MPRIP: variants seen among roughly 807,000 people sequenced by gnomAD.
The protein encoded by MPRIP is myosin phosphatase Rho-interacting protein.
MPRIP carries 59 observed loss-of-function variants against 234.9 expected under a neutral mutation model. The observed-to-expected ratio is 0.25, with a 90% CI of 0.20 to 0.31. MPRIP has a LOEUF of 0.31. MPRIP is among the 10% of genes least tolerant of loss of function. The probability of loss-of-function intolerance (pLI) is 1.00; values close to 1 mark genes in which losing one functional copy is unlikely to be tolerated. For synonymous variants in MPRIP, 1,144 were observed against 1,263.9 expected, an observed-to-expected ratio of 0.91 and a Z score of 2.01; for missense variants, 2,436 against 3,071.0, an observed-to-expected ratio of 0.79 and a Z score of 4.89.
Position 17,050,937 on chromosome 17 carries a change from T to A in MPRIP, c.123+7966T>A, listed in dbSNP as rs2143843626. Among the ~76,000 whole-genome samples the A allele has an allele frequency of 2.0e-5, 3 of 152,380 alleles. No individual in the cohort carries two copies. In the South Asian group the frequency reaches 6.2e-4, roughly 32 times the overall value. On this transcript the variant is annotated intron_variant, in intron 1 of 23. Coordinates refer to ENST00000651222, the MANE Select transcript of MPRIP (RefSeq NM_001364716.4). ...CTTTTTTCCCTGGGTTCTAGCCTGT[T>A]ACCTGATCTTTTCCTCTGATTTCTC...
Position 17,158,413 on chromosome 17 carries a change from C to T in MPRIP, c.1830-19C>T. On this transcript the variant is annotated intron_variant, in intron 13 of 23. Transcript: ENST00000651222. Reference sequence around the variant, plus strand: ...CAGAGCCGCCCCTGACAGGCTATGTCCATCCTCCTGCCCCACAGCTCGTTG... The same window carrying T: ...CAGAGCCGCCCCTGACAGGCTATGTTCATCCTCCTGCCCCACAGCTCGTTG... 1 of 1,534,028 alleles carries T rather than the reference C, an allele frequency of 6.5e-7. No homozygotes were observed.
intron 16 of MPRIP, 88 bp downstream of exon 16, chr17:17,168,003 A>G: frequency 9.7e-7 from 1 of 1,034,896 alleles, no homozygotes; most frequent in Non-Finnish European, 1.3e-6. Flanking sequence ...CCGTGCAGGC[A>G]GAATTGAGGG....
Position 17,171,751 on chromosome 17 carries a change from G to A in MPRIP, c.6358G>A (p.Glu2120Lys), listed in dbSNP as rs752558706. 6.2e-6 allele frequency: 10 copies of A among 1,613,408 alleles called. No individual in the cohort carries two copies. In the South Asian group the frequency reaches 1.1e-4, roughly 18 times the overall value. ...TCERGFAAMEETHQKKIEDLQ... is the reference protein window; with the variant it reads ...TCERGFAAMEKTHQKKIEDLQ... ...CGAGCGAGGGTTTGCAGCAATGGAA[G>A]AAACGCACCAGAAGAAGATTGAAGA... The change falls in exon 17 of 24, where the codon GAA becomes AAA. Residue 2120 changes from glutamate (E) to lysine (K), a missense_variant. Physicochemically the swap from Glu to Lys is moderately conservative, Grantham distance 56. This residue lies in a region of MPRIP where 1,998 missense variants were observed against 2,520.3 expected (regional missense o/e 0.79). Transcript: ENST00000651222.
chr17:17,144,180 G>T (rs1195067823), intron 9 of MPRIP, among the ~76,000 whole-genome samples: 1 of 152,216 alleles, frequency 6.6e-6, no homozygotes, highest in African/African-American at 2.4e-5. Flanking sequence ...TCAGCATGCT[G>T]ACCCAGCTCC....
At chr17:17,114,699 A>G (rs2090247541) in intron 3 of MPRIP, among the ~76,000 whole-genome samples, 1 of 101,352 alleles carries the variant, frequency 9.9e-6, no homozygotes, top group Admixed American at 8.7e-5. Flanking sequence ...CCTTCTTCCC[A>G]TCTACCCCCC....
At chr17:17,048,143 G>GT (rs1010584253) in intron 1 of MPRIP, among the ~76,000 whole-genome samples, 1 of 152,128 alleles carries the variant, frequency 6.6e-6, no homozygotes, top group Non-Finnish European at 1.5e-5. Flanking sequence ...GTCTAGCCCT[G>GT]TTTTTTTGTG....
chr17:17,053,402 G>A (rs533918261), intron 1 of MPRIP, among the ~76,000 whole-genome samples: 2 of 152,110 alleles, frequency 1.3e-5, no homozygotes, highest in African/African-American at 2.4e-5. Flanking sequence ...CTCAGCAACC[G>A]CAGGATCTGT....
chr17:17,186,504 C>T lies in MPRIP; in HGVS notation c.*1610C>T, dbSNP rs563166404. ...AAGGCTCTTAACCCACACTTTCACT[C>T]CTCTGCTACTAGTCTTCAGTGTTGT... On this transcript the variant is annotated 3_prime_UTR_variant, in exon 24 of 24. Transcript: ENST00000651222. 6.6e-6 allele frequency: 1 copy of T among 152,214 alleles called. No homozygotes were observed. Among genetic ancestry groups the T allele is most frequent in the African/African-American group, 2.4e-5 (1 of 41,438 alleles). The allele number at this position is 152,214 out of a possible 1,614,324, so 9.4% of individuals were successfully genotyped here.
intron 1 of MPRIP, among the ~76,000 whole-genome samples, chr17:17,065,757 G>T (rs147755067): frequency 1.8e-3 from 279 of 152,244 alleles, no homozygotes; most frequent in African/African-American, 6.5e-3. Context: ...AGTTGGGTGA[G>T]AATAGACATC....
chr17:17,049,911 G>A lies in MPRIP; in HGVS notation c.123+6940G>A, dbSNP rs113372174. Reference sequence around the variant, plus strand: ...CGTTAAAAAAGTAAAAAGAGGGGCCGGGTGCAGTGGCTCACGCCTGTAATT... The same window carrying A: ...CGTTAAAAAAGTAAAAAGAGGGGCCAGGTGCAGTGGCTCACGCCTGTAATT... On this transcript the variant is annotated intron_variant, in intron 1 of 23. Transcript: ENST00000651222. Among the ~76,000 whole-genome samples, 1,227 of 152,312 alleles carry A rather than the reference G, an allele frequency of 8.1e-3. 10 individuals are homozygous for A. The highest frequency in any genetic ancestry group is 0.023 in the African/African-American group (953 of 41,574).
rs1484605258 is a variant in MPRIP at position 17,078,711 on chromosome 17, T to C, written c.267+635T>C. ...CCAGAGGCCAAACCTGAAAATCAAC[T>C]AGGTGGAATTTCTGGCTTTTCTTTT... On this transcript the variant is annotated intron_variant, in intron 3 of 23. Coordinates refer to ENST00000651222, the MANE Select transcript of MPRIP (RefSeq NM_001364716.4). This position sits in a 1 kb window ranked among gnomAD's most constrained non-coding sequence, Gnocchi z 4.3. Among the ~76,000 whole-genome samples, 1 of 152,228 alleles carries C rather than the reference T, an allele frequency of 6.6e-6. No individual in the cohort carries two copies. Among genetic ancestry groups the C allele is most frequent in the Non-Finnish European group, 1.5e-5 (1 of 68,022 alleles).
chr17:17,153,274 C>CT (rs750815169), intron 12 of MPRIP, among the ~76,000 whole-genome samples: 1 of 152,170 alleles, frequency 6.6e-6, no homozygotes, highest in South Asian at 2.1e-4. Flanking sequence ...GGCCAGGCCA[C>CT]TAGCACCCAT....
intron 1 of MPRIP, among the ~76,000 whole-genome samples, chr17:17,067,790 CTT>C (rs35187618): frequency 9.0e-4 from 69 of 76,764 alleles, no homozygotes; most frequent in South Asian, 2.3e-3. Context: ...CTTCTTCTTC[CTT>C]TTTTTTTTTT....
Position 17,138,128 on chromosome 17 carries a change from C to G in MPRIP, c.949C>G (p.Pro317Ala). Residue 317 changes from proline (P) to alanine (A), a missense_variant, in exon 7 of 24, where the codon CCA becomes GCA. Transcript: ENST00000651222. The surrounding 1 kb of genome is among the most constrained non-coding windows in gnomAD (Gnocchi z 5.8). ...GGAGCTCGGTGGTCCTCTTCCTTCC[C>G]CAGGTCCTCGACTCCCCCACCAAAT... Reference protein sequence around the residue: ...SQELGGPLPSPGPRLPHQMVC... With the variant: ...SQELGGPLPSAGPRLPHQMVC... 1 of 1,486,030 alleles carries G rather than the reference C, an allele frequency of 6.7e-7. No individual in the cohort carries two copies. Among genetic ancestry groups the G allele is most frequent in the Non-Finnish European group, 9.1e-7 (1 of 1,101,568 alleles). 92.1% of individuals were successfully genotyped at this position (1,486,030 alleles called of 1,614,324 possible).
intron 3 of MPRIP, among the ~76,000 whole-genome samples, chr17:17,088,303 C>T (rs1229710504): frequency 6.6e-6 from 1 of 152,228 alleles, no homozygotes; most frequent in African/African-American, 2.4e-5. Flanking sequence ...GGGTGGACTT[C>T]TCTGCAGCAG....
chr17:17,079,746 C>G (rs2089419417), intron 3 of MPRIP, among the ~76,000 whole-genome samples: 1 of 152,224 alleles, frequency 6.6e-6, no homozygotes, highest in African/African-American at 2.4e-5. Context: ...TTCTTTAGGT[C>G]TAACTAAAGT....
intron 5 of MPRIP, among the ~76,000 whole-genome samples, chr17:17,135,394 A>G (rs2090675559): frequency 6.6e-6 from 1 of 152,168 alleles, no homozygotes; most frequent in Non-Finnish European, 1.5e-5. Context: ...TGAGAGAGCA[A>G]GCATGTGCAC....
At chr17:17,184,669 G>A (rs1271725120) in intron 23 of MPRIP, among the ~76,000 whole-genome samples, 154 bp from the exon 24 acceptor site, 1 of 151,878 alleles carries the variant, frequency 6.6e-6, no homozygotes, top group Non-Finnish European at 1.5e-5. Flanking sequence ...AGCATTTCCC[G>A]GGGACTCTCC....
intron 16 of MPRIP, 101 bp from the exon 17 acceptor site, chr17:17,171,617 C>G: frequency 6.9e-7 from 1 of 1,454,652 alleles, no homozygotes; most frequent in South Asian, 1.4e-5. Context: ...CCAGTCACAG[C>G]TGGGCCTGGA....
Sources: gnomAD v4.1 joint callset for allele counts (sites outside exome capture counted in the v4.1 genomes callset) on GRCh38, gnomAD v4.1.1 for gene constraint, gnomAD v4.1.1 regional missense constraint, Gnocchi (gnomAD v3.1) non-coding constraint, MANE v1.5 for transcripts, NCBI Gene and HGNC (gene_info 2026-07-23, HGNC 2026-07-21) for gene names.